The following PYM1 variants were observed in gnomAD, a reference collection of about 807,000 sequenced individuals.
PYM1 encodes PYM1 exon junction complex associated factor.
Under a neutral mutation model 20.7 loss-of-function variants are expected in PYM1, and 7 were observed. That is an observed-to-expected ratio of 0.34 (90% CI 0.19 to 0.64). PYM1 has a LOEUF of 0.64. PYM1 is among the 30% of genes least tolerant of loss of function. The pLI is 0.74. For synonymous variants in PYM1, 100 were observed against 99.2 expected (o/e 1.01, Z -0.05); for missense variants, 194 against 250.0 (o/e 0.78, Z 1.51).
chr12:55,905,854 A>ATATTAGATATATATATC (rs1882791960), intron 1 of PYM1, among the ~76,000 whole-genome samples: 4 of 35,492 alleles, frequency 1.1e-4, no homozygotes, highest in South Asian at 1.5e-3. Flanking sequence ...TATATATTAT[A>ATATTAGATATATATATC]TATTAGATAT....
intron 1 of PYM1, among the ~76,000 whole-genome samples, chr12:55,918,739 G>A (rs998354349): frequency 6.6e-6 from 1 of 152,090 alleles, no homozygotes; most frequent in African/African-American, 2.4e-5. Flanking sequence ...GTGGTGGCAC[G>A]TGCCTGTAGT....
intron 1 of PYM1, among the ~76,000 whole-genome samples, chr12:55,912,076 T>C (rs934510235): frequency 2.0e-5 from 3 of 151,972 alleles, no homozygotes; most frequent in African/African-American, 7.2e-5. Context: ...AGGCAGGGTA[T>C]AGTGGCTCAT....
chr12:55,914,056 T>G (rs1882966697), intron 1 of PYM1: 1 of 406,000 alleles, frequency 2.5e-6, no homozygotes. Context: ...AAAACAACTT[T>G]GTGGAAACAA....
In PYM1 at chr12:55,918,806, C is replaced by T. The variant is rs183404546; in HGVS notation, c.37+8919G>A. ...TCGCTTGAACCTGAGAGGCAGAGGT[C>T]GCACTGAGCCGAGATTGCACCACTG... is the stretch of plus-strand genomic sequence containing the variant. On this transcript the variant is annotated intron_variant, in intron 1 of 2. Transcript: ENST00000408946. Among the ~76,000 whole-genome samples the T allele has an allele frequency of 1.4e-4, 22 of 152,214 alleles. No individual in the cohort carries two copies. In the East Asian group the frequency reaches 4.1e-3, roughly 28 times the overall value.
At chr12:55,916,234 C>T (rs1239879184) in intron 1 of PYM1, among the ~76,000 whole-genome samples, 1 of 151,942 alleles carries the variant, frequency 6.6e-6, no homozygotes, top group Non-Finnish European at 1.5e-5. Flanking sequence ...ACTCGGGAGG[C>T]TGAGACAGGA....
At chr12:55,906,655 T>G (rs1018529602) in intron 1 of PYM1, among the ~76,000 whole-genome samples, 4 of 152,092 alleles carry the variant, frequency 2.6e-5, no homozygotes, top group African/African-American at 9.7e-5. Flanking sequence ...ATTTATTTAT[T>G]GATTGATTTT....
intron 1 of PYM1, among the ~76,000 whole-genome samples, chr12:55,916,304 T>C (rs1689508): frequency 0.038 from 5,812 of 151,132 alleles, 379 homozygotes; most frequent in African/African-American, 0.13. Context: ...CAGTGCACTC[T>C]AGCCTGGGTG....
intron 1 of PYM1, among the ~76,000 whole-genome samples, chr12:55,911,510 AT>A (rs1227804295): frequency 6.6e-6 from 1 of 152,022 alleles, no homozygotes; most frequent in Non-Finnish European, 1.5e-5. Flanking sequence ...GGGGTAAAAT[AT>A]TTTTATTTTC....
chr12:55,914,485 C>T, intron 1 of PYM1: 1 of 631,998 alleles, frequency 1.6e-6, no homozygotes, highest in Non-Finnish European at 2.8e-6. Flanking sequence ...GTCATTTTCT[C>T]ACATCTGCCG....
chr12:55,920,636 CA>C (rs1254982255), intron 1 of PYM1, among the ~76,000 whole-genome samples: 86 of 69,860 alleles, frequency 1.2e-3, no homozygotes, highest in Admixed American at 2.3e-3. Context: ...GACTCCGTCT[CA>C]AAAAAAAAAA....
chr12:55,905,437 C>T (rs1882778421), intron 1 of PYM1, among the ~76,000 whole-genome samples: 1 of 151,536 alleles, frequency 6.6e-6, no homozygotes, highest in Admixed American at 6.6e-5. Flanking sequence ...CACAGTAGCT[C>T]ATGCCTGTAA....
intron 1 of PYM1, chr12:55,927,025 C>A (rs966677437): frequency 6.7e-6 from 10 of 1,485,110 alleles, no homozygotes; most frequent in Non-Finnish European, 9.0e-6. Flanking sequence ...CAAGTCCGAA[C>A]CCCTGCCCCG....
chr12:55,918,092 CT>C lies in PYM1; in HGVS notation c.37+9632del, dbSNP rs1370515001. Reference sequence around the variant, plus strand: ...CCCATGTAACAAACCTACACATTTTCTTTTTTTTTTTTTTCTTTTTTTTGAG... The same window carrying C: ...CCCATGTAACAAACCTACACATTTTCTTTTTTTTTTTTTCTTTTTTTTGAG... On this transcript the variant is annotated intron_variant, in intron 1 of 2. Transcript: ENST00000408946. Among the ~76,000 whole-genome samples, 742 of 143,338 alleles carry C rather than the reference CT, an allele frequency of 5.2e-3. 3 individuals are homozygous for C. The highest frequency in any genetic ancestry group is 0.016 in the African/African-American group (622 of 39,266). 94.0% of individuals were successfully genotyped at this position (143,338 alleles called of 152,430 possible). A position where few individuals can be genotyped will look rare whatever the true frequency, so the allele number is the denominator to read the frequency against.
At chr12:55,927,174 T>C (rs1206528173) in intron 1 of PYM1, 73 of 1,530,762 alleles carry the variant, frequency 4.8e-5, no homozygotes, top group Non-Finnish European at 6.3e-5. Flanking sequence ...CCACCGGAAG[T>C]GGAGTCCCGA....
chr12:55,903,510 A>T, intron 1 of PYM1, 30 bp from the exon 2 acceptor site: 2 of 1,604,124 alleles, frequency 1.2e-6, no homozygotes, highest in Non-Finnish European at 1.7e-6. Flanking sequence ...GTTGAAAATT[A>T]CTCTTATTTT....
At chr12:55,909,332 T>C (rs971370466) in intron 1 of PYM1, among the ~76,000 whole-genome samples, 2 of 152,042 alleles carry the variant, frequency 1.3e-5, no homozygotes, top group African/African-American at 4.8e-5. Context: ...CATGGGAATG[T>C]AGATAGCATT....
chr12:55,912,240 TA>T (rs1341616852), intron 1 of PYM1, among the ~76,000 whole-genome samples: 1 of 151,778 alleles, frequency 6.6e-6, no homozygotes, highest in Non-Finnish European at 1.5e-5. Context: ...TAGTCCCAGC[TA>T]CTCAGGAGGC....
chr12:55,904,729 TA>T (rs923321794), intron 1 of PYM1, among the ~76,000 whole-genome samples: 8 of 151,612 alleles, frequency 5.3e-5, no homozygotes, highest in African/African-American at 1.9e-4. Context: ...ATACAAAAAT[TA>T]GCCGGGTGTG....
intron 1 of PYM1, among the ~76,000 whole-genome samples, chr12:55,919,884 C>T (rs1287881914): frequency 7.6e-6 from 1 of 130,990 alleles, no homozygotes; most frequent in Admixed American, 8.4e-5. Flanking sequence ...CAGAGCAAGA[C>T]TCCGTCTCAA....
Sources: allele counts gnomAD v4.1 joint callset (sites outside exome capture counted in the v4.1 genomes callset), GRCh38; gene constraint gnomAD v4.1.1; transcripts MANE v1.5; gene names NCBI Gene and HGNC (gene_info 2026-07-23, HGNC 2026-07-21).